DMD: variants seen among roughly 807,000 people sequenced by gnomAD.
DMD encodes the protein mutant dystrophin.
DMD carries 63 observed loss-of-function variants against 330.1 expected under a neutral mutation model. That is an observed-to-expected ratio of 0.19 (90% CI 0.16 to 0.24). DMD has a LOEUF of 0.24. Among genes scored for constraint, DMD ranks in the 10% least tolerant of loss-of-function variants. The pLI is 1.00. For synonymous variants in DMD, 1,223 were observed against 959.8 expected, an observed-to-expected ratio of 1.27 and a Z score of -5.07; for missense variants, 3,344 against 2,684.1, an observed-to-expected ratio of 1.25 and a Z score of -5.43.
chrX:32,345,822 C>A lies in DMD; in HGVS notation c.5586+121G>T, dbSNP rs950940690. On this transcript the variant is annotated intron_variant, in intron 39 of 78. Coordinates refer to ENST00000357033, the MANE Select transcript of DMD (RefSeq NM_004006.3). The stretch of plus-strand genomic sequence containing the variant: ...TGTTAAATAAAGCATACACATTGAA[C>A]AGAAAAAGTGAGTTTCTGATGACTA... 8 of 711,798 alleles carry A rather than the reference C, an allele frequency of 1.1e-5. No homozygotes were observed. In the African/African-American group the frequency reaches 1.6e-4, roughly 15 times the overall value. The allele number at this position is 711,798 out of a possible 1,213,427, so 58.7% of individuals were successfully genotyped here.
Position 31,264,199 on chromosome X carries a change from T to C in DMD, c.9225-3183A>G, listed in dbSNP as rs144869446. On this transcript the variant is annotated intron_variant, in intron 62 of 78. Transcript: ENST00000357033. ...AAAACAGTAGAGAATTCTCAGTAAC[T>C]CCATGAGAAGAGCCCACATTTACCT... Among the ~76,000 whole-genome samples, 6 of 111,841 alleles carry C rather than the reference T, an allele frequency of 5.4e-5. No individual in the cohort carries two copies. The South Asian group carries it at 2.3e-3, about 42-fold the overall frequency.
chrX:33,167,033 G>C (rs2049091629), intron 1 of DMD, among the ~76,000 whole-genome samples: 1 of 110,864 alleles, frequency 9.0e-6, no homozygotes, highest in Admixed American at 9.7e-5. Context: ...TTGGTTCTGG[G>C]ACAACATCTA....
chrX:32,731,102 G>C (rs908689380), intron 7 of DMD, among the ~76,000 whole-genome samples: 4 of 112,218 alleles, frequency 3.6e-5, no homozygotes, highest in Non-Finnish European at 7.5e-5. Context: ...CACTCGGGAA[G>C]TGCAAGGGGT....
chrX:32,629,863 A>G (rs1414528106), intron 11 of DMD, among the ~76,000 whole-genome samples: 1 of 109,483 alleles, frequency 9.1e-6, no homozygotes, highest in Non-Finnish European at 1.9e-5. Context: ...TTCTATTTAT[A>G]TCTTATTATA....
At chrX:32,212,823 G>A (rs1190986768) in intron 44 of DMD, among the ~76,000 whole-genome samples, 2 of 111,444 alleles carry the variant, frequency 1.8e-5, no homozygotes, top group Admixed American at 1.9e-4. Flanking sequence ...CTCCATAGTG[G>A]CATGGTATAT....
chrX:32,914,282 T>C (rs892323586), intron 2 of DMD, among the ~76,000 whole-genome samples: 7 of 111,149 alleles, frequency 6.3e-5, no homozygotes, highest in Admixed American at 3.9e-4. Flanking sequence ...TAGGTACAGA[T>C]TCAGAGTGGA....
intron 43 of DMD, among the ~76,000 whole-genome samples, chrX:32,252,773 A>AATATATATAAAT (rs1389390430): frequency 5.6e-5 from 2 of 35,846 alleles, no homozygotes; most frequent in East Asian, 1.5e-3. Flanking sequence ...AATATATATA[A>AATATATATAAAT]ATATATATAA....
At chrX:32,870,705 G>A (rs1397707842) in intron 2 of DMD, among the ~76,000 whole-genome samples, 1 of 110,536 alleles carries the variant, frequency 9.0e-6, no homozygotes, top group Non-Finnish European at 1.9e-5. Flanking sequence ...ATGGTGCTGG[G>A]AAGACTGGCT....
At chrX:31,731,150 C>A in intron 51 of DMD, among the ~76,000 whole-genome samples, 1 of 111,825 alleles carries the variant, frequency 8.9e-6, no homozygotes, top group Middle Eastern at 4.6e-3. Flanking sequence ...TAACTTTTAA[C>A]AAATTTTCCA....
intron 2 of DMD, among the ~76,000 whole-genome samples, chrX:32,981,059 T>G (rs901510472): frequency 2.7e-5 from 3 of 111,619 alleles, no homozygotes; most frequent in Non-Finnish European, 5.6e-5. Flanking sequence ...GCTTTCTTAA[T>G]TGGAGTACAT....
intron 1 of DMD, among the ~76,000 whole-genome samples, chrX:33,285,323 G>GTGTT (rs1382357468): frequency 2.2e-4 from 24 of 111,402 alleles, no homozygotes; most frequent in African/African-American, 7.8e-4. Flanking sequence ...GTGTGTGTGT[G>GTGTT]TGTGTGTTAT....
chrX:32,786,261 CT>C (rs201952618), intron 7 of DMD, among the ~76,000 whole-genome samples: 93 of 106,625 alleles, frequency 8.7e-4, no homozygotes, highest in Middle Eastern at 4.8e-3. Flanking sequence ...CAGATAATAG[CT>C]TTTTTTTTTA....
chrX:33,022,514 G>A (rs2093932360), intron 1 of DMD, among the ~76,000 whole-genome samples: 1 of 109,651 alleles, frequency 9.1e-6, no homozygotes, highest in African/African-American at 3.3e-5. Flanking sequence ...TCTTATTTTG[G>A]TATAGTAGCA....
At chrX:31,923,080 T>C (rs1361222614) in intron 47 of DMD, among the ~76,000 whole-genome samples, 2 of 111,676 alleles carry the variant, frequency 1.8e-5, no homozygotes, top group Non-Finnish European at 3.8e-5. Context: ...AGTGGAATAC[T>C]TATGACAATG....
At chrX:33,284,109 T>A (rs1045933851) in intron 1 of DMD, among the ~76,000 whole-genome samples, 6 of 109,955 alleles carry the variant, frequency 5.5e-5, no homozygotes, top group South Asian at 3.8e-4. Flanking sequence ...GACTATAATT[T>A]TATATATATA....
intron 78 of DMD, among the ~76,000 whole-genome samples, chrX:31,125,779 TC>T (rs775736916): frequency 1.8e-5 from 2 of 112,312 alleles, no homozygotes; most frequent in South Asian, 7.5e-4. Context: ...CCTATCCCTT[TC>T]AACCCATAAA....
intron 7 of DMD, among the ~76,000 whole-genome samples, chrX:32,747,039 T>C (rs1188845849): frequency 1.8e-5 from 2 of 112,227 alleles, no homozygotes; most frequent in Non-Finnish European, 3.8e-5. Context: ...GATTTCATTC[T>C]TTTTATGGCT....
chrX:31,794,190 G>T (rs1177651883), intron 50 of DMD, among the ~76,000 whole-genome samples: 1 of 111,546 alleles, frequency 9.0e-6, no homozygotes, highest in East Asian at 2.8e-4. Flanking sequence ...CATTAATAAA[G>T]CCCACTCTAC....
At chrX:33,153,042 T>C (rs35874041) in intron 1 of DMD, among the ~76,000 whole-genome samples, 1,450 of 112,622 alleles carry the variant, frequency 0.013, 8 homozygotes, top group Non-Finnish European at 0.02. Context: ...GGTGCAGCAT[T>C]TACTACAGAC....
Sources: gnomAD v4.1 joint callset for allele counts (sites outside exome capture counted in the v4.1 genomes callset) on GRCh38, gnomAD v4.1.1 for gene constraint, MANE v1.5 for transcripts, NCBI Gene and HGNC (gene_info 2026-07-23, HGNC 2026-07-21) for gene names.